FAM107B: variants seen among roughly 807,000 people sequenced by gnomAD.
FAM107B encodes the protein family with sequence similarity 107 member B.
Under a neutral mutation model 31.5 loss-of-function variants are expected in FAM107B, and 21 were observed. The ratio of observed to expected loss-of-function variants is 0.67; its 90% CI spans 0.47 to 0.96. FAM107B has a LOEUF of 0.96. Ranked by LOEUF, FAM107B falls within the 40% of genes least tolerant of loss-of-function variation. FAM107B has a pLI of 0.00. For synonymous variants in FAM107B, 157 were observed against 141.5 expected (o/e 1.11, Z -0.78); for missense variants, 452 against 377.1 (o/e 1.20, Z -1.64).
chr10:14,747,241 C>T lies in FAM107B; in HGVS notation c.411+27012G>A, dbSNP rs566592354. Reference sequence around the variant, plus strand: ...CTTCTTTGCATTGGGTTAGAACATGCTCCTTTAGCTCAGCAAAGTTCATTA... The same window carrying T: ...CTTCTTTGCATTGGGTTAGAACATGTTCCTTTAGCTCAGCAAAGTTCATTA... On this transcript the variant is annotated intron_variant, in intron 1 of 4. Coordinates refer to ENST00000181796, the MANE Select transcript of FAM107B (RefSeq NM_031453.4). Among the ~76,000 whole-genome samples the T allele has an allele frequency of 7.9e-5, 12 of 152,270 alleles. No homozygotes were observed. In the South Asian group the frequency reaches 2.3e-3, roughly 29 times the overall value.
intron 1 of FAM107B, among the ~76,000 whole-genome samples, chr10:14,717,689 T>C (rs1484514154): frequency 6.6e-6 from 1 of 152,128 alleles, no homozygotes; most frequent in Non-Finnish European, 1.5e-5. Context: ...TCCACAGATA[T>C]CAAGGGTGGG....
At chr10:14,589,112 G>A (rs1319028055) in intron 2 of FAM107B, among the ~76,000 whole-genome samples, 2 of 150,476 alleles carry the variant, frequency 1.3e-5, no homozygotes, top group Non-Finnish European at 3.0e-5. Flanking sequence ...AGCCCAGGAG[G>A]TTGCAGTGAG....
chr10:14,643,122 T>C (rs566587012), intron 2 of FAM107B, among the ~76,000 whole-genome samples: 3 of 152,104 alleles, frequency 2.0e-5, no homozygotes, highest in South Asian at 2.1e-4. Context: ...GGTAGGTAGA[T>C]AGACAGATAG....
At chr10:14,769,584 C>T (rs550811644) in intron 1 of FAM107B, among the ~76,000 whole-genome samples, 44 of 152,212 alleles carry the variant, frequency 2.9e-4, no homozygotes, top group Non-Finnish European at 5.3e-4. Context: ...CGGGGTTTCA[C>T]GATGTTGGCC....
At chr10:14,733,076 G>A (rs996984920) in intron 1 of FAM107B, among the ~76,000 whole-genome samples, 11 of 146,854 alleles carry the variant, frequency 7.5e-5, no homozygotes, top group Non-Finnish European at 1.6e-4. Context: ...TAGATACAAT[G>A]TAGTCTATAG....
chr10:14,599,522 G>C (rs1348079669), intron 2 of FAM107B, among the ~76,000 whole-genome samples: 1 of 152,160 alleles, frequency 6.6e-6, no homozygotes, highest in East Asian at 1.9e-4. Context: ...TCCTTGGTAG[G>C]CTAGGCCTGG....
At chr10:14,522,813 G>A (rs1845806006) in intron 3 of FAM107B, among the ~76,000 whole-genome samples, 1 of 152,124 alleles carries the variant, frequency 6.6e-6, no homozygotes, top group African/African-American at 2.4e-5. Context: ...CAGACTGAAA[G>A]GGGGTTCCTG....
At chr10:14,659,094 C>G (rs1854151409) in intron 2 of FAM107B, among the ~76,000 whole-genome samples, 1 of 152,162 alleles carries the variant, frequency 6.6e-6, no homozygotes, top group African/African-American at 2.4e-5. Flanking sequence ...TAAAAGTCCT[C>G]TACTATCCCC....
At chr10:14,648,834 C>T (rs183817407) in intron 2 of FAM107B, among the ~76,000 whole-genome samples, 22 of 152,256 alleles carry the variant, frequency 1.4e-4, no homozygotes, top group African/African-American at 4.1e-4. Flanking sequence ...AAATATTTAT[C>T]GAGGACTTGG....
At chr10:14,624,696 G>A (rs995890814) in intron 2 of FAM107B, among the ~76,000 whole-genome samples, 9 of 152,096 alleles carry the variant, frequency 5.9e-5, no homozygotes, top group Admixed American at 2.6e-4. Context: ...GTCCGTTTTC[G>A]TATTTGAGCA....
intron 1 of FAM107B, among the ~76,000 whole-genome samples, chr10:14,719,274 T>C (rs1178045316): frequency 6.6e-6 from 1 of 152,190 alleles, no homozygotes; most frequent in Non-Finnish European, 1.5e-5. Context: ...CCTGGCCCTA[T>C]TTTCTTGCCT....
At chr10:14,557,426 C>T (rs749850653) in intron 2 of FAM107B, among the ~76,000 whole-genome samples, 16 of 152,188 alleles carry the variant, frequency 1.1e-4, no homozygotes, top group South Asian at 4.1e-4. Flanking sequence ...GGTCACAGTG[C>T]GAAAACAGCT....
chr10:14,746,153 A>T (rs1229750124), intron 1 of FAM107B, among the ~76,000 whole-genome samples: 5 of 151,974 alleles, frequency 3.3e-5, no homozygotes, highest in Non-Finnish European at 7.4e-5. Flanking sequence ...TGCTTGATAA[A>T]TTTTCCTCCA....
intron 1 of FAM107B, among the ~76,000 whole-genome samples, chr10:14,738,547 G>C (rs1393780659): frequency 6.6e-6 from 1 of 152,134 alleles, no homozygotes; most frequent in Non-Finnish European, 1.5e-5. Flanking sequence ...ATTCCCTTAG[G>C]ATTCCCAGCA....
intron 2 of FAM107B, among the ~76,000 whole-genome samples, chr10:14,640,425 G>A (rs1853600130): frequency 6.6e-6 from 1 of 152,162 alleles, no homozygotes; most frequent in Non-Finnish European, 1.5e-5. Context: ...CATACCCAAA[G>A]TAAACTCTCT....
chr10:14,724,755 G>A (rs1015251288), intron 1 of FAM107B, among the ~76,000 whole-genome samples: 1 of 151,854 alleles, frequency 6.6e-6, no homozygotes, highest in African/African-American at 2.4e-5. Context: ...GTGAGGACAG[G>A]AAAAAGACTG....
chr10:14,597,430 T>A (rs567281262), intron 2 of FAM107B, among the ~76,000 whole-genome samples: 2 of 152,354 alleles, frequency 1.3e-5, no homozygotes, highest in Admixed American at 1.3e-4. Flanking sequence ...ATGACAGCCC[T>A]CTTTCCTATA....
At chr10:14,689,998 AAAGGAAGG>A (rs150130671) in intron 1 of FAM107B, among the ~76,000 whole-genome samples, 70,283 of 126,948 alleles carry the variant, frequency 0.55, 20,652 homozygotes, top group Admixed American at 0.62. Flanking sequence ...AAGAAAGACA[AAAGGAAGG>A]AAGGAAGGAA....
chr10:14,682,900 A>G (rs1485629077), intron 1 of FAM107B, among the ~76,000 whole-genome samples: 1 of 152,122 alleles, frequency 6.6e-6, no homozygotes, highest in Non-Finnish European at 1.5e-5. Flanking sequence ...TAATAAAAAA[A>G]AGAAAAATAA....
Sources: gnomAD v4.1 joint callset for allele counts (sites outside exome capture counted in the v4.1 genomes callset) on GRCh38, gnomAD v4.1.1 for gene constraint, MANE v1.5 for transcripts, NCBI Gene and HGNC (gene_info 2026-07-23, HGNC 2026-07-21) for gene names.